Variants in OSBP2 observed in about 807,000 individuals in gnomAD.
OSBP2 encodes the protein oxysterol-binding protein 2.
A neutral mutation model predicts 96.0 loss-of-function variants in OSBP2; 66 were observed. The observed-to-expected ratio is 0.69, with a 90% CI of 0.56 to 0.84. The LOEUF (loss-of-function observed/expected upper bound fraction) is 0.84. OSBP2 is among the 40% of genes least tolerant of loss of function. OSBP2 has a pLI of 0.00. For missense variants in OSBP2, 1,038 were observed against 1,222.7 expected (o/e 0.85, Z 2.25); for synonymous variants, 525 against 520.9 (o/e 1.01, Z -0.11).
chr22:30,879,528 C>T (rs1021876270), intron 3 of OSBP2, among the ~76,000 whole-genome samples: 4 of 152,058 alleles, frequency 2.6e-5, no homozygotes, highest in Non-Finnish European at 5.9e-5. Context: ...CTGGGCCAAG[C>T]GCTCCTGTGA....
At chr22:30,857,272 G>A (rs1354072135) in intron 2 of OSBP2, among the ~76,000 whole-genome samples, 3 of 152,186 alleles carry the variant, frequency 2.0e-5, no homozygotes, top group Admixed American at 1.3e-4. Flanking sequence ...GCTTGTGTTA[G>A]CAGCTGGGGC....
chr22:30,899,702 C>A (rs528601694), intron 12 of OSBP2, among the ~76,000 whole-genome samples: 1 of 152,200 alleles, frequency 6.6e-6, no homozygotes, highest in Admixed American at 6.5e-5. Flanking sequence ...TACCCTATTT[C>A]ACTTATATTA....
chr22:30,889,730 G>A, intron 7 of OSBP2, 94 bp downstream of exon 7: 2 of 1,162,142 alleles, frequency 1.7e-6, no homozygotes, highest in South Asian at 2.7e-5. Flanking sequence ...AGTACACACA[G>A]CCTTGGAGTG....
rs1485613533 is a variant in OSBP2 at position 30,893,670 on chromosome 22, C to G, written c.2127C>G (p.Thr709=). 2 of 1,614,060 alleles carry G rather than the reference C, an allele frequency of 1.2e-6. No individual in the cohort carries two copies. The highest frequency in any genetic ancestry group is 1.7e-6 in the Non-Finnish European group (2 of 1,180,026). Residue 709 remains threonine, a synonymous_variant, in exon 11 of 14, where the codon ACC becomes ACG. Coordinates refer to ENST00000332585, the MANE Select transcript of OSBP2 (RefSeq NM_030758.4). The part of the protein sequence containing the change: ...SGDIEIVNHK[T]NDRCQLKFLP... ...ACATCGAGATTGTGAACCATAAGAC[C>G]AATGACCGGTGCCAGCTGAAGTTCC...
intron 2 of OSBP2, among the ~76,000 whole-genome samples, chr22:30,788,658 A>G (rs550920715): frequency 6.6e-6 from 1 of 152,316 alleles, no homozygotes; most frequent in South Asian, 2.1e-4. Flanking sequence ...GTGTTAATTA[A>G]TAAGTTGTAC....
chr22:30,836,086 C>A (rs1190071699), intron 2 of OSBP2, among the ~76,000 whole-genome samples: 2 of 152,182 alleles, frequency 1.3e-5, no homozygotes, highest in Admixed American at 1.3e-4. Flanking sequence ...TTTCTCTTCT[C>A]TCCTCTGATC....
intron 2 of OSBP2, among the ~76,000 whole-genome samples, chr22:30,758,502 G>T (rs946164200): frequency 6.6e-6 from 1 of 152,186 alleles, no homozygotes; most frequent in African/African-American, 2.4e-5. Context: ...ACCAGAATCT[G>T]AGGTAACACC....
upstream of OSBP2, chr22:30,694,381 G>A: frequency 2.0e-6 from 3 of 1,503,144 alleles, no homozygotes; most frequent in Non-Finnish European, 2.7e-6. Context: ...GTCGTCTTTA[G>A]CCTTTAGCGC....
intron 2 of OSBP2, among the ~76,000 whole-genome samples, chr22:30,857,191 C>G (rs543278915): frequency 1.3e-5 from 2 of 152,352 alleles, no homozygotes; most frequent in East Asian, 1.9e-4. Flanking sequence ...TGACTGCCCC[C>G]ACTCAGTCCA....
chr22:30,869,411 C>T (rs1045329780), intron 2 of OSBP2, among the ~76,000 whole-genome samples: 1 of 152,254 alleles, frequency 6.6e-6, no homozygotes, highest in Non-Finnish European at 1.5e-5. Context: ...ACACAGAAGG[C>T]ATTCTATCAG....
upstream of OSBP2, chr22:30,694,273 A>AGGAGGT (rs1198230667): frequency 1.3e-6 from 2 of 1,549,768 alleles, no homozygotes; most frequent in African/African-American, 2.7e-5. Context: ...CAGCTGGCTC[A>AGGAGGT]GGAGGTGGAG....
chr22:30,783,750 G>T (rs193269530), intron 2 of OSBP2, among the ~76,000 whole-genome samples: 1 of 152,152 alleles, frequency 6.6e-6, no homozygotes, highest in Non-Finnish European at 1.5e-5. Flanking sequence ...AACTTACGGC[G>T]ATTTCTTAGA....
chr22:30,789,645 A>C (rs1007259314), intron 2 of OSBP2, among the ~76,000 whole-genome samples: 2 of 152,212 alleles, frequency 1.3e-5, no homozygotes, highest in Admixed American at 6.5e-5. Context: ...TGGAACAAGC[A>C]TTTCTTTAGG....
intron 2 of OSBP2, among the ~76,000 whole-genome samples, chr22:30,742,584 C>G (rs987848254): frequency 1.3e-5 from 2 of 152,152 alleles, no homozygotes; most frequent in African/African-American, 4.8e-5. Context: ...GTACTTATTT[C>G]AAAATAACTG....
chr22:30,733,036 A>G (rs1360440588), intron 1 of OSBP2, among the ~76,000 whole-genome samples: 4 of 152,198 alleles, frequency 2.6e-5, no homozygotes, highest in Non-Finnish European at 5.9e-5. Flanking sequence ...AGGGAAGGCA[A>G]CCTCATTACC....
intron 1 of OSBP2, among the ~76,000 whole-genome samples, chr22:30,733,015 G>A (rs2089801957): frequency 1.3e-5 from 2 of 152,222 alleles, no homozygotes; most frequent in Non-Finnish European, 2.9e-5. Flanking sequence ...GCTGCTGGAG[G>A]CACTACAGGC....
At chr22:30,755,276 C>CT (rs1285491844) in intron 2 of OSBP2, among the ~76,000 whole-genome samples, 6 of 152,178 alleles carry the variant, frequency 3.9e-5, no homozygotes, top group Admixed American at 2.6e-4. Flanking sequence ...TGGCTGGGAC[C>CT]TCAGATGATG....
intron 2 of OSBP2, among the ~76,000 whole-genome samples, chr22:30,869,630 G>A (rs142681474): frequency 0.012 from 1,890 of 152,266 alleles, 20 homozygotes; most frequent in Non-Finnish European, 0.021. Flanking sequence ...CACCTCCCTG[G>A]GCTCAGGTGA....
At chr22:30,899,021 CA>C (rs2040129834) in intron 12 of OSBP2, among the ~76,000 whole-genome samples, 3 of 151,970 alleles carry the variant, frequency 2.0e-5, no homozygotes, top group Admixed American at 2.0e-4. Context: ...TTTAATGTGA[CA>C]TATAAAGTAT....
Sources: allele counts gnomAD v4.1 joint callset (sites outside exome capture counted in the v4.1 genomes callset), GRCh38; gene constraint gnomAD v4.1.1; transcripts MANE v1.5; gene names NCBI Gene and HGNC (gene_info 2026-07-23, HGNC 2026-07-21).